NACC2: variants seen among roughly 807,000 people sequenced by gnomAD.
The protein encoded by NACC2 is NACC family member 2.
In NACC2, 8 loss-of-function variants were observed where a neutral mutation model predicts 25.1. That is an observed-to-expected ratio of 0.32 (90% CI 0.19 to 0.57). The LOEUF is 0.57. NACC2 is among the 20% of genes least tolerant of loss of function. NACC2 has a pLI of 0.89. For synonymous variants in NACC2, 435 were observed against 294.7 expected (o/e 1.48, Z -4.88); for missense variants, 644 against 650.2 (o/e 0.99, Z 0.10).
Position 136,031,332 on chromosome 9 carries a change from T to TTCATTCATTCAC in NACC2, c.887-14904_887-14903insGTGAATGAATGA, listed in dbSNP as rs1275033120. Among the ~76,000 whole-genome samples the TTCATTCATTCAC allele has an allele frequency of 2.1e-5, 3 of 145,968 alleles. No homozygotes were observed. In the East Asian group the frequency reaches 5.8e-4, roughly 28 times the overall value. On this transcript the variant is annotated intron_variant, in intron 2 of 5. Transcript: ENST00000277554. Reference sequence around the variant, plus strand: ...CTCCTTTACTCCACAGCCTCATTCATTCATTCATTCATTCATTCATTCTGA... The same window carrying TTCATTCATTCAC: ...CTCCTTTACTCCACAGCCTCATTCATTCATTCATTCACTCATTCATTCATTCATTCATTCTGA...
intron 1 of NACC2, among the ~76,000 whole-genome samples, chr9:136,060,439 G>A (rs1232229623): frequency 1.3e-5 from 2 of 152,230 alleles, no homozygotes; most frequent in Non-Finnish European, 2.9e-5. Context: ...GCTCGGGAAT[G>A]GCAACTGTGA....
chr9:136,016,561 C>T, intron 2 of NACC2, 132 bp from the exon 3 acceptor site: 1 of 1,026,890 alleles, frequency 9.7e-7, no homozygotes, highest in Non-Finnish European at 1.4e-6. Context: ...CAGGTGAGGC[C>T]ACTCTGTGCC....
intron 2 of NACC2, among the ~76,000 whole-genome samples, chr9:136,023,076 GAGGAGGGAGGGA>G (rs1349551716): frequency 3.9e-5 from 2 of 51,886 alleles, no homozygotes; most frequent in African/African-American, 1.8e-4. Context: ...AAGAGGGAGG[GAGGAGGGAGGGA>G]AGGAGGGAAG....
chr9:136,083,036 G>A (rs1222527476), intron 1 of NACC2, among the ~76,000 whole-genome samples: 1 of 152,186 alleles, frequency 6.6e-6, no homozygotes, highest in Non-Finnish European at 1.5e-5. Flanking sequence ...ACATGAAAGC[G>A]ACCAGATTGA....
In NACC2 at chr9:136,086,485, C is replaced by A. The variant is rs1040497637; in HGVS notation, c.-60+8704G>T. ...TCCCTGAGGTCTGGCTTGGTGTGGG[C>A]CCCAGGGACGTCGCATGCCCCCAGC... On this transcript the variant is annotated intron_variant, in intron 1 of 5. Coordinates refer to ENST00000277554, the MANE Select transcript of NACC2 (RefSeq NM_144653.5). The surrounding 1 kb of genome is among the most constrained non-coding windows in gnomAD (Gnocchi z 5.6). Among the ~76,000 whole-genome samples the A allele has an allele frequency of 2.6e-5, 4 of 152,062 alleles. No homozygotes were observed. The highest frequency in any genetic ancestry group is 6.5e-5 in the Admixed American group (1 of 15,274).
intron 1 of NACC2, among the ~76,000 whole-genome samples, chr9:136,056,210 G>C (rs1363382151): frequency 6.6e-6 from 1 of 152,182 alleles, no homozygotes; most frequent in Admixed American, 6.5e-5. Flanking sequence ...CCTCAGGTTT[G>C]CATTAAACTT....
intron 2 of NACC2, among the ~76,000 whole-genome samples, chr9:136,045,869 T>A (rs1055496537): frequency 6.6e-6 from 1 of 152,110 alleles, no homozygotes; most frequent in Non-Finnish European, 1.5e-5. Context: ...AACAGACCCC[T>A]GAGCGCAGCT....
chr9:136,075,108 T>G (rs1830247270), intron 1 of NACC2, among the ~76,000 whole-genome samples: 1 of 152,236 alleles, frequency 6.6e-6, no homozygotes, highest in Non-Finnish European at 1.5e-5. Flanking sequence ...TTGTCCTCAA[T>G]GGCGGCTTCT....
At chr9:136,081,615 G>A (rs536354652) in intron 1 of NACC2, among the ~76,000 whole-genome samples, 67 of 152,334 alleles carry the variant, frequency 4.4e-4, no homozygotes, top group African/African-American at 1.4e-3. Flanking sequence ...TAATTATTAC[G>A]AAAGCACACT....
Position 136,025,223 on chromosome 9 carries a change from C to T in NACC2, c.887-8794G>A, listed in dbSNP as rs552848231. On this transcript the variant is annotated intron_variant, in intron 2 of 5. Transcript: ENST00000277554. ...CGGCCTTGGAGAATGTGGGCACGGG[C>T]GCTGCTGGATGGCACAGATTTCCCC... is the stretch of plus-strand genomic sequence containing the variant. 4.6e-5 allele frequency among the ~76,000 whole-genome samples: 7 copies of T among 152,228 alleles called. No homozygotes were observed. The South Asian group carries it at 8.3e-4, about 18-fold the overall frequency.
rs1366238794 is a variant in NACC2, at chr9:136,007,403, AC to A, written c.*4112del. 2 of 72,798 alleles carry A rather than the reference AC, an allele frequency of 2.7e-5. No individual in the cohort carries two copies. Among genetic ancestry groups the A allele is most frequent in the African/African-American group, 7.7e-5 (2 of 26,046 alleles). 4.5% of individuals were successfully genotyped at this position (72,798 alleles called of 1,614,324 possible). A position where few individuals can be genotyped will look rare whatever the true frequency, so the allele number is the denominator to read the frequency against. The stretch of plus-strand genomic sequence containing the variant: ...CACAGACACGCGTGCAGAGACACGC[AC>A]GTGCACACAGACGCGCGTGCACACA... On this transcript the variant is annotated 3_prime_UTR_variant, in exon 6 of 6. Transcript: ENST00000277554.
chr9:136,017,366 C>A lies in NACC2; in HGVS notation c.887-937G>T, dbSNP rs189538300. Among the ~76,000 whole-genome samples the A allele has an allele frequency of 4.5e-4, 68 of 152,278 alleles. 1 individual carries two copies. The East Asian group carries it at 0.012, about 28-fold the overall frequency. On this transcript the variant is annotated intron_variant, in intron 2 of 5. Coordinates refer to ENST00000277554, the MANE Select transcript of NACC2 (RefSeq NM_144653.5). Reference sequence around the variant, plus strand: ...TCAGGGTCACAGAGCCCCTCTAGAGCGTTCATGGAGGGCCAGGGCTGAGAC... The same window carrying A: ...TCAGGGTCACAGAGCCCCTCTAGAGAGTTCATGGAGGGCCAGGGCTGAGAC...
intron 2 of NACC2, among the ~76,000 whole-genome samples, chr9:136,017,786 C>G (rs975501886): frequency 6.4e-5 from 9 of 140,884 alleles, no homozygotes; most frequent in African/African-American, 2.5e-4. Flanking sequence ...GGCCACCTGC[C>G]CAGTCAGCTG....
rs765743843 is a variant in NACC2 at position 136,013,080 on chromosome 9, C to A, written c.1255+119G>T. 6 of 768,782 alleles carry A rather than the reference C, an allele frequency of 7.8e-6. No individual in the cohort carries two copies. Among genetic ancestry groups the A allele is most frequent in the Non-Finnish European group, 1.3e-5 (6 of 471,090 alleles). The allele number at this position is 768,782 out of a possible 1,614,324, so 47.6% of individuals were successfully genotyped here. A position where few individuals can be genotyped will look rare whatever the true frequency, so the allele number is the denominator to read the frequency against. ...TCCCCTCAATCAGACCATGCTCGGC[C>A]CCCAGGGACGGAAGCTGCAGGTGGC... On this transcript the variant is annotated intron_variant, in intron 5 of 5. Transcript: ENST00000277554. The surrounding 1 kb of genome is among the most constrained non-coding windows in gnomAD (Gnocchi z 6.6).
At chr9:136,074,876 A>G (rs1348311062) in intron 1 of NACC2, among the ~76,000 whole-genome samples, 2 of 152,146 alleles carry the variant, frequency 1.3e-5, no homozygotes, top group African/African-American at 2.4e-5. Flanking sequence ...TGGCCTTCCC[A>G]GCCGAGGCGG....
chr9:136,012,051 A>G (rs1840119384), intron 5 of NACC2, 27 bp from the exon 6 acceptor site: 1 of 1,492,414 alleles, frequency 6.7e-7, no homozygotes, highest in African/African-American at 1.4e-5. Flanking sequence ...GCGTGAGCTC[A>G]GCCACCTGCC....
chr9:136,021,099 A>C (rs1350650217), intron 2 of NACC2, among the ~76,000 whole-genome samples: 1 of 152,264 alleles, frequency 6.6e-6, no homozygotes, highest in Non-Finnish European at 1.5e-5. Context: ...CAAGCTAGCC[A>C]CAGACTGGAG....
chr9:136,051,683 C>T (rs1304858756), intron 1 of NACC2, among the ~76,000 whole-genome samples: 2 of 152,040 alleles, frequency 1.3e-5, no homozygotes, highest in African/African-American at 4.8e-5. Context: ...GGGGGCGGCC[C>T]GCAGTGCCCC....
At chr9:136,024,291 CGTGT>C (rs1405129164) in intron 2 of NACC2, among the ~76,000 whole-genome samples, 3 of 14,708 alleles carry the variant, frequency 2.0e-4, no homozygotes, top group Non-Finnish European at 3.9e-4. Context: ...ACAGAGGGTG[CGTGT>C]GTGTGAGGAC....
Sources: allele counts gnomAD v4.1 joint callset (sites outside exome capture counted in the v4.1 genomes callset), GRCh38; gene constraint gnomAD v4.1.1; non-coding constraint Gnocchi (gnomAD v3.1); transcripts MANE v1.5; gene names NCBI Gene and HGNC (gene_info 2026-07-23, HGNC 2026-07-21).